Variants in CELF2 observed in about 807,000 individuals in gnomAD.
CELF2 encodes the protein CUG triplet repeat RNA-binding protein 2.
Under a neutral mutation model 62.6 loss-of-function variants are expected in CELF2, and 8 were observed. The ratio of observed to expected loss-of-function variants is 0.13; its 90% CI spans 0.07 to 0.23. The LOEUF (loss-of-function observed/expected upper bound fraction) is 0.23, where lower values mean the gene tolerates loss of function less well. Among genes scored for constraint, CELF2 ranks in the 10% least tolerant of loss-of-function variants. The probability of loss-of-function intolerance (pLI) is 1.00; values close to 1 mark genes in which losing one functional copy is unlikely to be tolerated. For missense variants in CELF2, 333 were observed against 671.0 expected, an observed-to-expected ratio of 0.50 and a Z score of 5.56; for synonymous variants, 258 against 250.0, an observed-to-expected ratio of 1.03 and a Z score of -0.30.
the CELF2 span, among the ~76,000 whole-genome samples, chr10:10,637,752 G>T: frequency 1.3e-5 from 2 of 152,148 alleles, no homozygotes; most frequent in Non-Finnish European, 1.5e-5. Flanking sequence ...TGTAGGATCT[G>T]TGCTCTGCTC....
At chr10:11,064,351 A>G (rs1287970876) in intron 1 of CELF2, among the ~76,000 whole-genome samples, 1 of 152,196 alleles carries the variant, frequency 6.6e-6, no homozygotes, top group Non-Finnish European at 1.5e-5. Flanking sequence ...CACTCCCTTC[A>G]GAGTGGTCTG....
chr10:11,000,000 T>G (rs1053094788), intron 2 of CELF2, among the ~76,000 whole-genome samples: 1 of 152,196 alleles, frequency 6.6e-6, no homozygotes, highest in African/African-American at 2.4e-5. Flanking sequence ...ACATAAATAT[T>G]AAACGCCTAA....
At chr10:10,497,325 C>T in the CELF2 span, among the ~76,000 whole-genome samples, 3 of 151,428 alleles carry the variant, frequency 2.0e-5, no homozygotes, top group African/African-American at 4.9e-5. Flanking sequence ...GGAAGAGAAA[C>T]AAAGGATGGA....
chr10:10,901,350 CATAT>C (rs1371578138), intron 1 of CELF2, among the ~76,000 whole-genome samples: 1 of 152,142 alleles, frequency 6.6e-6, no homozygotes, highest in Non-Finnish European at 1.5e-5. Context: ...AGAAAACCTA[CATAT>C]ATAAAGCAAA....
chr10:10,951,691 A>G (rs903370270), intron 2 of CELF2: 2 of 152,260 alleles, frequency 1.3e-5, no homozygotes, highest in African/African-American at 4.8e-5. Flanking sequence ...TGAGTAAAGA[A>G]GAAAGAAAAA....
intron 2 of CELF2, among the ~76,000 whole-genome samples, chr10:11,184,728 T>C (rs969792391): frequency 1.3e-5 from 2 of 152,260 alleles, no homozygotes; most frequent in African/African-American, 4.8e-5. Flanking sequence ...ATATAATTGA[T>C]TTTTGTGTAT....
intron 2 of CELF2, among the ~76,000 whole-genome samples, chr10:11,179,243 T>A (rs1435512612): frequency 6.6e-6 from 1 of 151,918 alleles, no homozygotes; most frequent in Non-Finnish European, 1.5e-5. Flanking sequence ...TTTCCTGGCA[T>A]TCATTCAAAT....
chr10:10,704,231 T>A, the CELF2 span, among the ~76,000 whole-genome samples: 1 of 152,196 alleles, frequency 6.6e-6, no homozygotes, highest in Admixed American at 6.5e-5. Flanking sequence ...GGAAGTTTTA[T>A]CATAGACTGT....
chr10:10,837,357 T>C (rs2058367778), intron 1 of CELF2, among the ~76,000 whole-genome samples: 2 of 152,240 alleles, frequency 1.3e-5, no homozygotes, highest in South Asian at 4.1e-4. Context: ...CGCATGATTG[T>C]GAGCCCTCCC....
intron 8 of CELF2, among the ~76,000 whole-genome samples, chr10:11,279,407 A>G (rs1342068327): frequency 6.6e-6 from 1 of 152,154 alleles, no homozygotes; most frequent in East Asian, 1.9e-4. Context: ...GGAGGGAGAC[A>G]TTTGCAAAAA....
At chr10:11,088,497 C>CT (rs769993806) in intron 1 of CELF2, among the ~76,000 whole-genome samples, 9 of 152,002 alleles carry the variant, frequency 5.9e-5, no homozygotes, top group Non-Finnish European at 8.8e-5. Flanking sequence ...ATGGTTAGAC[C>CT]TGTGGTTTAA....
At chr10:11,026,810 G>A (rs1171226344) in intron 1 of CELF2, among the ~76,000 whole-genome samples, 1 of 152,214 alleles carries the variant, frequency 6.6e-6, no homozygotes, top group Non-Finnish European at 1.5e-5. Context: ...CGGGAGGAGA[G>A]CAGTATCCAA....
rs1030197632 is a variant in CELF2, at chr10:11,321,650, C to T, written c.1294+264C>T. ...CAGTGAGCCATGGTCATGCCTGTGA[C>T]TAGCCACTGCACTCCATTCGGGGAA... On this transcript the variant is annotated intron_variant, in intron 11 of 12. Coordinates refer to ENST00000633077, the MANE Select transcript of CELF2 (RefSeq NM_001326342.2). The surrounding 1 kb of genome is among the most constrained non-coding windows in gnomAD (Gnocchi z 6.2). 2.0e-5 allele frequency among the ~76,000 whole-genome samples: 3 copies of T among 152,300 alleles called. No individual in the cohort carries two copies. The highest frequency in any genetic ancestry group is 4.4e-5 in the Non-Finnish European group (3 of 68,024).
chr10:11,037,287 G>A (rs2061114674), intron 1 of CELF2, among the ~76,000 whole-genome samples: 2 of 152,206 alleles, frequency 1.3e-5, no homozygotes, highest in Admixed American at 1.3e-4. Context: ...CGTGAGAACA[G>A]CGTGGGAGAA....
the CELF2 span, among the ~76,000 whole-genome samples, chr10:10,555,648 T>G: frequency 6.6e-6 from 1 of 152,224 alleles, no homozygotes; most frequent in African/African-American, 2.4e-5. Flanking sequence ...TTTTGGTATA[T>G]TGCATACCCT....
At chr10:10,970,928 C>T (rs147150521) in intron 2 of CELF2, 1 of 143,166 alleles carries the variant, frequency 7.0e-6, no homozygotes, top group Non-Finnish European at 1.5e-5. Context: ...ATTTAAAATT[C>T]AAAAAAAAAA....
intron 8 of CELF2, among the ~76,000 whole-genome samples, chr10:11,281,381 C>G (rs918701341): frequency 7.2e-5 from 11 of 152,072 alleles, no homozygotes; most frequent in Non-Finnish European, 1.6e-4. Context: ...CAGCGGCGGA[C>G]GAGGGTCTGT....
the CELF2 span, among the ~76,000 whole-genome samples, chr10:10,680,028 C>T: frequency 6.6e-6 from 1 of 152,094 alleles, no homozygotes; most frequent in Non-Finnish European, 1.5e-5. Flanking sequence ...AATAATGATA[C>T]GTTAATACTC....
chr10:10,743,275 G>A, the CELF2 span, among the ~76,000 whole-genome samples: 257 of 152,276 alleles, frequency 1.7e-3, 2 homozygotes, highest in East Asian at 0.019. Flanking sequence ...TGAAATGAGC[G>A]GTGGTCTTTA....
Sources: gnomAD v4.1 joint callset for allele counts (sites outside exome capture counted in the v4.1 genomes callset) on GRCh38, gnomAD v4.1.1 for gene constraint, Gnocchi (gnomAD v3.1) non-coding constraint, MANE v1.5 for transcripts, NCBI Gene and HGNC (gene_info 2026-07-23, HGNC 2026-07-21) for gene names.